Variants in DST observed in about 807,000 individuals in gnomAD.
DST encodes the protein dystonin, also known as bullous pemphigoid antigen.
DST carries 253 observed loss-of-function variants against 875.2 expected under a neutral mutation model. That is an observed-to-expected ratio of 0.29 (90% CI 0.26 to 0.32). The LOEUF is 0.32. Ranked by LOEUF, DST falls within the 10% of genes least tolerant of loss-of-function variation. The probability of loss-of-function intolerance (pLI) is 1.00; values close to 1 mark genes in which losing one functional copy is unlikely to be tolerated. For missense variants in DST, 8,287 were observed against 9,111.6 expected (o/e 0.91, Z 3.68); for synonymous variants, 3,124 against 3,197.1 (o/e 0.98, Z 0.77).
At chr6:56,583,358 G>T (rs1292608099) in intron 49 of DST, among the ~76,000 whole-genome samples, 2 of 152,052 alleles carry the variant, frequency 1.3e-5, no homozygotes, top group Admixed American at 1.3e-4. Flanking sequence ...GATGATGAGC[G>T]TTTTTTCATG....
At chr6:56,783,823 T>G (rs2099699446) in intron 4 of DST, among the ~76,000 whole-genome samples, 1 of 152,236 alleles carries the variant, frequency 6.6e-6, no homozygotes, top group South Asian at 2.1e-4. Flanking sequence ...CTAGTCTCAA[T>G]GGTCTTTACA....
chr6:56,838,363 G>A (rs1202974998), intron 4 of DST, among the ~76,000 whole-genome samples: 1 of 152,064 alleles, frequency 6.6e-6, no homozygotes, highest in Non-Finnish European at 1.5e-5. Context: ...AAATATTCCA[G>A]CTCCCCACAG....
At chr6:56,802,472 T>C (rs1381729010) in intron 4 of DST, among the ~76,000 whole-genome samples, 1 of 151,972 alleles carries the variant, frequency 6.6e-6, no homozygotes, top group Non-Finnish European at 1.5e-5. Flanking sequence ...TATACATGTA[T>C]ATATATATAC....
Position 56,593,947 on chromosome 6 carries a change from G to A in DST, c.12442C>T (p.His4148Tyr). The part of the protein sequence containing the change: ...KFDADYTEFE[H>Y]WLQQSEQELE... ...TCTTGTTCTGACTGCTGTAGCCAGT[G>A]CTCAAACTCGGTATAGTCAGCATCA... Residue 4148 changes from histidine to tyrosine, a missense_variant, in exon 48 of 104, where the codon CAC becomes TAC. Transcript: ENST00000680361. 1 of 1,613,816 alleles carries A rather than the reference G, an allele frequency of 6.2e-7. No homozygotes were observed. The highest frequency in any genetic ancestry group is 8.5e-7 in the Non-Finnish European group (1 of 1,179,838).
chr6:56,717,144 C>G (rs907146200), intron 5 of DST, among the ~76,000 whole-genome samples: 3 of 152,060 alleles, frequency 2.0e-5, no homozygotes, highest in African/African-American at 7.2e-5. Flanking sequence ...GATCGTGCCA[C>G]TGCACTCCAG....
chr6:56,474,960 CAAAAAA>C (rs386407168), intron 92 of DST, among the ~76,000 whole-genome samples: 1 of 31,318 alleles, frequency 3.2e-5, no homozygotes, highest in Admixed American at 4.3e-4. Flanking sequence ...CCCTGCCTCT[CAAAAAA>C]AAAAAAAAAA....
intron 5 of DST, 165 bp downstream of exon 5, chr6:56,735,063 C>A: frequency 1.6e-6 from 1 of 610,794 alleles, no homozygotes; most frequent in Non-Finnish European, 2.9e-6. Flanking sequence ...CCACCGTCCA[C>A]ACACCAAATA....
intron 5 of DST, among the ~76,000 whole-genome samples, chr6:56,720,055 C>T (rs962781775): frequency 2.0e-5 from 3 of 152,088 alleles, no homozygotes; most frequent in African/African-American, 2.4e-5. Context: ...ATTTATTAGG[C>T]GGGAATTTCC....
At position 56,482,693 on chromosome 6, in the gene DST, G is replaced by C. The variant is rs2095440843; in HGVS notation, c.21392C>G (p.Ala7131Gly). 5 of 1,612,794 alleles carry C rather than the reference G, an allele frequency of 3.1e-6. No individual in the cohort carries two copies. In the East Asian group the frequency reaches 8.9e-5, roughly 29 times the overall value. Residue 7131 changes from alanine (A) to glycine (G), a missense_variant, in exon 89 of 104, where the codon GCC becomes GGC. By Grantham distance (60) the Ala-to-Gly change is moderately conservative. Coordinates refer to ENST00000680361, the MANE Select transcript of DST (RefSeq NM_001374736.1). ...SISKQTRLEA[A>G]LRQAEEFHSV... ...TTACATGGTTTTTACCTGACGCAGG[G>C]CTGCTTCTAACCGTGTTTGCTTTGA... is the stretch of plus-strand genomic sequence containing the variant.
chr6:56,874,459 A>G (rs1023422786), intron 3 of DST, among the ~76,000 whole-genome samples: 3 of 152,200 alleles, frequency 2.0e-5, no homozygotes, highest in Non-Finnish European at 4.4e-5. Context: ...CCCTCTTATC[A>G]CCACCTAAAA....
intron 4 of DST, among the ~76,000 whole-genome samples, chr6:56,749,715 T>C (rs1420767052): frequency 6.6e-6 from 1 of 152,166 alleles, no homozygotes; most frequent in Non-Finnish European, 1.5e-5. Flanking sequence ...TGTGTAATGC[T>C]TTTCATTCCT....
chr6:56,461,630 T>C (rs1457833498), intron 102 of DST: 2 of 152,246 alleles, frequency 1.3e-5, no homozygotes, highest in Admixed American at 6.5e-5. Flanking sequence ...TCACGTTATT[T>C]GAAATGAAAC....
At chr6:56,807,807 T>C (rs187602637) in intron 4 of DST, among the ~76,000 whole-genome samples, 164 of 152,312 alleles carry the variant, frequency 1.1e-3, no homozygotes, top group African/African-American at 3.7e-3. Context: ...ATCTTTATAA[T>C]CTTGAGTTAG....
At chr6:56,506,914 T>C (rs2096334550) in intron 75 of DST, 125 bp from the exon 76 acceptor site, 1 of 1,039,306 alleles carries the variant, frequency 9.6e-7, no homozygotes, top group Non-Finnish European at 1.3e-6. Flanking sequence ...TTCTGTTTTC[T>C]AAGTTTCTGC....
chr6:56,615,599 A>C lies in DST; in HGVS notation c.4930-1115T>G, dbSNP rs758583858. 26 of 1,614,046 alleles carry C rather than the reference A, an allele frequency of 1.6e-5. No individual in the cohort carries two copies. The South Asian group carries it at 2.7e-4, about 17-fold the overall frequency. ...CAGTTTAAGTCCTGTGTGGAAATCA[A>C]AATCAGCTTTTTCTAAGGCTTCTTT... On this transcript the variant is annotated intron_variant, in intron 36 of 103. Transcript: ENST00000680361.
At chr6:56,563,693 T>C (rs367784157) in intron 55 of DST, among the ~76,000 whole-genome samples, 56 of 152,364 alleles carry the variant, frequency 3.7e-4, no homozygotes, top group Admixed American at 2.6e-3. Context: ...GGTTTTCTTC[T>C]AGGATTTTTA....
intron 2 of DST, among the ~76,000 whole-genome samples, chr6:56,952,461 C>T (rs965162780): frequency 2.0e-5 from 3 of 152,150 alleles, no homozygotes; most frequent in Non-Finnish European, 2.9e-5. Flanking sequence ...TTGAATTAAT[C>T]TCATATTCAA....
intron 4 of DST, among the ~76,000 whole-genome samples, chr6:56,797,818 CA>C (rs34649685): frequency 0.022 from 1,320 of 60,828 alleles, 12 homozygotes; most frequent in African/African-American, 0.064. Flanking sequence ...AACTCCGTCT[CA>C]AAAAAAAAAA....
chr6:56,918,252 G>C (rs544637591), intron 2 of DST, among the ~76,000 whole-genome samples: 1 of 151,396 alleles, frequency 6.6e-6, no homozygotes, highest in Admixed American at 6.6e-5. Flanking sequence ...TCAACCTCCT[G>C]AGTAGTTAGG....
Sources: gnomAD v4.1 joint callset for allele counts (sites outside exome capture counted in the v4.1 genomes callset) on GRCh38, gnomAD v4.1.1 for gene constraint, MANE v1.5 for transcripts, NCBI Gene and HGNC (gene_info 2026-07-23, HGNC 2026-07-21) for gene names.